Variants in DRC1 observed in about 807,000 individuals in gnomAD.
DRC1 encodes the protein dynein regulatory complex protein 1.
In DRC1, 74 loss-of-function variants were observed where a neutral mutation model predicts 98.7. That is an observed-to-expected ratio of 0.75 (90% confidence interval 0.62 to 0.91). DRC1 has a LOEUF of 0.91. Among genes scored for constraint, DRC1 ranks in the 40% least tolerant of loss-of-function variants. The probability of loss-of-function intolerance (pLI) is 0.00; values close to 1 mark genes in which losing one functional copy is unlikely to be tolerated. For missense variants in DRC1, 875 were observed against 886.0 expected (o/e 0.99, Z 0.16); for synonymous variants, 336 against 334.1 (o/e 1.01, Z -0.06).
chr2:26,448,430 C>T (rs780985174), intron 10 of DRC1: 8 of 616,898 alleles, frequency 1.3e-5, no homozygotes, highest in South Asian at 4.6e-5. Flanking sequence ...TCCAGGTAGA[C>T]GCAATTTGGA....
intron 16 of DRC1, among the ~76,000 whole-genome samples, chr2:26,455,693 G>A (rs1386201326): frequency 6.6e-6 from 1 of 152,228 alleles, no homozygotes; most frequent in Non-Finnish European, 1.5e-5. Flanking sequence ...CCACCCACCA[G>A]CCCCGGTTCC....
intron 2 of DRC1, among the ~76,000 whole-genome samples, chr2:26,420,443 A>G (rs369798647): frequency 7.9e-5 from 12 of 152,098 alleles, no homozygotes; most frequent in African/African-American, 1.9e-4. Context: ...CACCTCCCCA[A>G]CTGAGGTTCT....
At chr2:26,453,753 T>C (rs1664070524) in intron 14 of DRC1, among the ~76,000 whole-genome samples, 1 of 152,190 alleles carries the variant, frequency 6.6e-6, no homozygotes, top group South Asian at 2.1e-4. Context: ...TCTGTGCTTT[T>C]TTCACTCATC....
chr2:26,445,735 T>C (rs184752200), intron 10 of DRC1, among the ~76,000 whole-genome samples: 2 of 152,260 alleles, frequency 1.3e-5, no homozygotes, highest in Non-Finnish European at 2.9e-5. Flanking sequence ...CTGGGCTCAC[T>C]GCAACCTCCG....
chr2:26,456,221 T>C (rs1475042471), intron 16 of DRC1, among the ~76,000 whole-genome samples: 3 of 152,062 alleles, frequency 2.0e-5, no homozygotes, highest in Non-Finnish European at 4.4e-5. Flanking sequence ...CTGCAGAGAA[T>C]GGACGGGCGG....
In DRC1 at chr2:26,455,165, G is replaced by C. The variant is rs1253721296; in HGVS notation, c.2098G>C (p.Glu700Gln). 1.9e-6 allele frequency: 3 copies of C among 1,613,974 alleles called. No individual in the cohort carries two copies. In the African/African-American group the frequency reaches 4.0e-5, roughly 22 times the overall value. Residue 700 changes from glutamate (E) to glutamine (Q), a missense_variant, in exon 16 of 17, where the codon GAA becomes CAA. By Grantham distance (29) the Glu-to-Gln change is conservative. Coordinates refer to ENST00000288710, the MANE Select transcript of DRC1 (RefSeq NM_145038.5). ...GACCCAGAGGGCCAAGCTGCTGCTG[G>C]AAAACAGTTCTCTGGAGCAGCAGAA... ...VLTQRAKLLL[E>Q]NSSLEQQNTE...
At chr2:26,441,501 G>T (rs1013424587) in intron 8 of DRC1, among the ~76,000 whole-genome samples, 1 of 152,104 alleles carries the variant, frequency 6.6e-6, no homozygotes, top group Non-Finnish European at 1.5e-5. Context: ...CACCGTACTA[G>T]ATAGCAGAAC....
rs1664116138 is a variant in DRC1, at chr2:26,455,233, G to A, written c.2166G>A (p.Lys722=). 1 of 1,611,844 alleles carries A rather than the reference G, an allele frequency of 6.2e-7. No individual in the cohort carries two copies. The highest frequency in any genetic ancestry group is 1.1e-5 in the South Asian group (1 of 91,008). The change falls in exon 16 of 17, where the codon AAG becomes AAA. Residue 722 remains lysine, a splice_region_variant and synonymous_variant. Transcript: ENST00000288710. ...QALLQQYLNS[K]INSELQVPPT... is the part of the protein sequence containing the mutation. The stretch of plus-strand genomic sequence containing the variant: ...TACTGCAGCAGTATCTGAACTCCAA[G>A]GTGGGCGGCGGGGCCTTCCAAGGAG...
At position 26,414,427 on chromosome 2, in the gene DRC1, G is replaced by T. The variant is rs148643291; in HGVS notation, c.239G>T (p.Arg80Leu). The change falls in exon 2 of 17, where the codon CGA (arginine) becomes CTA (leucine). Residue 80 changes from arginine (R) to leucine (L), a missense_variant. By Grantham distance (102) the Arg-to-Leu change is moderately radical. Coordinates refer to ENST00000288710, the MANE Select transcript of DRC1 (RefSeq NM_145038.5). Reference protein sequence around the residue: ...SKSYKQKEESRLKLAKLLLCG... With the variant: ...SKSYKQKEESLLKLAKLLLCG... ...AGCTACAAACAGAAAGAAGAAAGCC[G>T]ATTGGTATGAACTGGTTGGCAGATG... 6 of 1,613,320 alleles carry T rather than the reference G, an allele frequency of 3.7e-6. No homozygotes were observed. The highest frequency in any genetic ancestry group is 2.2e-5 in the East Asian group (1 of 44,828).
chr2:26,454,874 C>T lies in DRC1; in HGVS notation c.2063+84C>T. ...GGGAGCAGCCGCGTTTGCTGCCTCC[C>T]TGTCCCACTGAACCTGGGAGGGAAG... On this transcript the variant is annotated intron_variant, in intron 15 of 16. Coordinates refer to ENST00000288710, the MANE Select transcript of DRC1 (RefSeq NM_145038.5). This position sits in a 1 kb window ranked among gnomAD's most constrained non-coding sequence, Gnocchi z 5.2. 3.1e-6 allele frequency: 5 copies of T among 1,588,520 alleles called. No homozygotes were observed. Among genetic ancestry groups the T allele is most frequent in the Non-Finnish European group, 4.3e-6 (5 of 1,164,380 alleles).
intron 10 of DRC1, among the ~76,000 whole-genome samples, chr2:26,445,505 A>G (rs745374847): frequency 5.9e-5 from 9 of 152,232 alleles, no homozygotes; most frequent in Non-Finnish European, 1.2e-4. Context: ...TTTTTAAAAA[A>G]TATTATGAAT....
In DRC1 at chr2:26,453,481, C is replaced by G. The variant is rs200824609; in HGVS notation, c.1851C>G (p.Pro617=). ...AAGAGGAGGAGACCCCACCCTCCCC[C>G]TGGGTCATCCACCCCAATGATGTCC... ...KEEEEETPPS[P]WVIHPNDVLK... Residue 617 remains proline, a synonymous_variant, in exon 14 of 17, where the codon CCC becomes CCG. Transcript: ENST00000288710. The G allele has an allele frequency of 6.8e-4, 1,090 of 1,614,172 alleles. 5 individuals are homozygous for G. Among genetic ancestry groups the G allele is most frequent in the Non-Finnish European group, 1.3e-4 (157 of 1,180,038 alleles).
Position 26,456,553 on chromosome 2 carries a change from C to T in DRC1, c.*36C>T. On this transcript the variant is annotated 3_prime_UTR_variant, in exon 17 of 17. Transcript: ENST00000288710. ...CAAAGGCTGATGTGTTAGGGCTGGC[C>T]TGATGCTGGTGTCTGTGCCGGAGCC... The T allele has an allele frequency of 1.2e-6, 2 of 1,613,128 alleles. No individual in the cohort carries two copies. Among genetic ancestry groups the T allele is most frequent in the Non-Finnish European group, 1.7e-6 (2 of 1,179,232 alleles).
In DRC1 at chr2:26,421,394, G is replaced by A. The variant is rs200567817; in HGVS notation, c.350G>A (p.Arg117His). The change falls in exon 3 of 17, where the codon CGT becomes CAT. Residue 117 changes from arginine to histidine, a missense_variant. Coordinates refer to ENST00000288710, the MANE Select transcript of DRC1 (RefSeq NM_145038.5). ...AGAGTCGAAGAAGAGGAGATAAAGC[G>A]TCAAAGGTAAGGACTGTGCTACTCT... The part of the protein sequence containing the change: ...HRRVEEEEIK[R>H]QRIEKLENEV... 3.9e-5 allele frequency: 63 copies of A among 1,612,572 alleles called. No homozygotes were observed. The East Asian group carries it at 7.4e-4, about 19-fold the overall frequency.
rs746369859 is a variant in DRC1, at chr2:26,450,696, A to G, written c.1689+15A>G. 6.4e-7 allele frequency: 1 copy of G among 1,569,198 alleles called. No homozygotes were observed. The highest frequency in any genetic ancestry group is 2.3e-5 in the East Asian group (1 of 43,864). Reference sequence around the variant, plus strand: ...CCAGCCTCCAGGTAAGGCAAGGTGCAGAGAGAAGAAAGCATTTTCTTTCTT... The same window carrying G: ...CCAGCCTCCAGGTAAGGCAAGGTGCGGAGAGAAGAAAGCATTTTCTTTCTT... On this transcript the variant is annotated intron_variant, in intron 13 of 16. Transcript: ENST00000288710.
chr2:26,413,447 T>C (rs9678192), intron 1 of DRC1, among the ~76,000 whole-genome samples: 2,182 of 152,330 alleles, frequency 0.014, 21 homozygotes, highest in Non-Finnish European at 0.021. Context: ...CACGTTGTTA[T>C]ACTTTACATT....
intron 7 of DRC1, among the ~76,000 whole-genome samples, chr2:26,434,119 A>G (rs1301039178): frequency 6.6e-6 from 1 of 152,210 alleles, no homozygotes; most frequent in Non-Finnish European, 1.5e-5. Context: ...AATGCATAGC[A>G]CTCTATCAGT....
chr2:26,411,498 A>G (rs149010666), intron 1 of DRC1, among the ~76,000 whole-genome samples: 1,999 of 152,336 alleles, frequency 0.013, 13 homozygotes, highest in South Asian at 0.032. Context: ...GTTATTGGCT[A>G]CCATATTGGA....
chr2:26,406,001 G>A (rs1036417478), intron 1 of DRC1, among the ~76,000 whole-genome samples: 1 of 152,142 alleles, frequency 6.6e-6, no homozygotes, highest in Non-Finnish European at 1.5e-5. Flanking sequence ...TTGTGCGTAA[G>A]TGAGCTGGGA....
Sources: allele counts gnomAD v4.1 joint callset (sites outside exome capture counted in the v4.1 genomes callset), GRCh38; gene constraint gnomAD v4.1.1; non-coding constraint Gnocchi (gnomAD v3.1); transcripts MANE v1.5; gene names NCBI Gene and HGNC (gene_info 2026-07-23, HGNC 2026-07-21).